SLC49A4: variants seen among roughly 807,000 people sequenced by gnomAD.
SLC49A4 encodes disrupted in renal cancer protein 2.
In SLC49A4, 36 loss-of-function variants were observed where a neutral mutation model predicts 50.6. The observed-to-expected ratio is 0.71, with a 90% CI of 0.55 to 0.94. The LOEUF (loss-of-function observed/expected upper bound fraction) is 0.94, where lower values mean the gene tolerates loss of function less well. Ranked by LOEUF, SLC49A4 falls within the 40% of genes least tolerant of loss-of-function variation. The pLI, the probability that SLC49A4 is intolerant of heterozygous loss-of-function variation, is 0.00. For missense variants in SLC49A4, 503 were observed against 605.7 expected, an observed-to-expected ratio of 0.83 and a Z score of 1.78; for synonymous variants, 248 against 241.2, an observed-to-expected ratio of 1.03 and a Z score of -0.26.
intron 7 of SLC49A4, among the ~76,000 whole-genome samples, chr3:122,860,412 G>C (rs1436226228): frequency 6.6e-6 from 1 of 152,138 alleles, no homozygotes; most frequent in Non-Finnish European, 1.5e-5. Context: ...ACATGGAAAA[G>C]AAGTATAATC....
chr3:122,830,544 AG>A (rs1936595342), intron 3 of SLC49A4, among the ~76,000 whole-genome samples: 1 of 152,252 alleles, frequency 6.6e-6, no homozygotes, highest in South Asian at 2.1e-4. Flanking sequence ...TTGATTTTTC[AG>A]AAGGGTCCCA....
intron 7 of SLC49A4, 118 bp from the exon 8 acceptor site, chr3:122,872,297 A>G: frequency 1.2e-6 from 1 of 840,730 alleles, no homozygotes; most frequent in Non-Finnish European, 1.8e-6. Flanking sequence ...TTTATCAACT[A>G]CCTTTGAAAA....
rs1936841046 is a variant in SLC49A4 at position 122,845,818 on chromosome 3, G to T, written c.889G>T (p.Ala297Ser). 6.2e-7 allele frequency: 1 copy of T among 1,612,376 alleles called. No homozygotes were observed. The highest frequency in any genetic ancestry group is 8.5e-7 in the Non-Finnish European group (1 of 1,179,292). ...ATATGCCATACCACTTGGTGTATTT[G>T]CTGGCTGGTCTGGAGTTCTGGACTT... ...LAYAIPLGVF[A>S]GWSGVLDLIL... Residue 297 changes from alanine to serine, a missense_variant, in exon 5 of 9, where the codon GCT becomes TCT. By Grantham distance (99) the Ala-to-Ser change is moderately conservative. Transcript: ENST00000261038.
intron 5 of SLC49A4, among the ~76,000 whole-genome samples, chr3:122,846,756 T>C (rs1180134861): frequency 6.6e-6 from 1 of 152,240 alleles, no homozygotes. Context: ...CATAGTGACT[T>C]CTGTGGTGTC....
chr3:122,796,127 G>C (rs1936034879), intron 1 of SLC49A4, among the ~76,000 whole-genome samples: 1 of 152,210 alleles, frequency 6.6e-6, no homozygotes, highest in African/African-American at 2.4e-5. Context: ...AAAGCTTGCA[G>C]ATGAGTGAAG....
At position 122,879,993 on chromosome 3, in the gene SLC49A4, A is replaced by G. The variant is rs79736742; in HGVS notation, c.*615A>G. 6,081 of 152,746 alleles carry G rather than the reference A, an allele frequency of 0.04. 149 individuals carry two copies. Among genetic ancestry groups the G allele is most frequent in the Middle Eastern group, 0.082 (24 of 294 alleles). 9.5% of individuals were successfully genotyped at this position (152,746 alleles called of 1,614,324 possible). A position where few individuals can be genotyped will look rare whatever the true frequency, so the allele number is the denominator to read the frequency against. Reference sequence around the variant, plus strand: ...AGGTGCTTTCCAGTGACTTCTGAGCATAGGCACTGTGTCTCCATCTCAACT... The same window carrying G: ...AGGTGCTTTCCAGTGACTTCTGAGCGTAGGCACTGTGTCTCCATCTCAACT... On this transcript the variant is annotated 3_prime_UTR_variant, in exon 9 of 9. Transcript: ENST00000261038.
At chr3:122,835,516 A>G (rs74961929) in intron 4 of SLC49A4, among the ~76,000 whole-genome samples, 232 of 152,310 alleles carry the variant, frequency 1.5e-3, no homozygotes, top group Middle Eastern at 6.8e-3. Flanking sequence ...CAAAAACAGT[A>G]TGATCATAAT....
chr3:122,842,342 C>T (rs1936782261), intron 4 of SLC49A4, among the ~76,000 whole-genome samples: 1 of 151,856 alleles, frequency 6.6e-6, no homozygotes. Flanking sequence ...AAAAATTAAC[C>T]GGGCTTGGTA....
At chr3:122,866,921 A>G (rs1234148117) in intron 7 of SLC49A4, among the ~76,000 whole-genome samples, 1 of 151,824 alleles carries the variant, frequency 6.6e-6, no homozygotes, top group African/African-American at 2.4e-5. Flanking sequence ...TTGGAGAGAG[A>G]AATATAATTA....
chr3:122,826,928 T>C lies in SLC49A4; in HGVS notation c.566T>C (p.Leu189Pro), dbSNP rs1305405039. ...ACAGCCACAGCTATTGCATCAATGC[T>C]CAGTTATCTTGGGGGAGCATGTGCA... ...RATATAIASM[L>P]SYLGGACAFL... Residue 189 changes from leucine to proline, a missense_variant, in exon 3 of 9, where the codon CTC becomes CCC. Transcript: ENST00000261038. 1.2e-6 allele frequency: 2 copies of C among 1,614,210 alleles called. No homozygotes were observed. The highest frequency in any genetic ancestry group is 8.5e-7 in the Non-Finnish European group (1 of 1,180,036).
intron 4 of SLC49A4, among the ~76,000 whole-genome samples, chr3:122,835,033 GA>G (rs1936659989): frequency 6.6e-6 from 1 of 152,080 alleles, no homozygotes; most frequent in African/African-American, 2.4e-5. Context: ...GACCAATAAT[GA>G]GCCGTGAGAT....
intron 3 of SLC49A4, among the ~76,000 whole-genome samples, chr3:122,829,749 CAAA>C (rs1272709336): frequency 6.6e-6 from 1 of 152,104 alleles, no homozygotes; most frequent in East Asian, 1.9e-4. Flanking sequence ...AACAAACAAA[CAAA>C]AAACCTGGAG....
intron 4 of SLC49A4, among the ~76,000 whole-genome samples, chr3:122,836,195 T>G (rs1936682924): frequency 6.6e-6 from 1 of 152,210 alleles, no homozygotes. Context: ...ATTGAGAGTT[T>G]TAGCATGAAG....
intron 7 of SLC49A4, among the ~76,000 whole-genome samples, chr3:122,863,794 G>A (rs529710789): frequency 2.6e-5 from 4 of 152,084 alleles, no homozygotes; most frequent in Admixed American, 6.5e-5. Flanking sequence ...TACCTGAAAC[G>A]TATTTGTAAA....
intron 2 of SLC49A4, among the ~76,000 whole-genome samples, chr3:122,807,842 G>A (rs187622538): frequency 1.3e-5 from 2 of 152,288 alleles, no homozygotes; most frequent in East Asian, 1.9e-4. Context: ...ATGCCATCCT[G>A]TATTATTAAC....
chr3:122,837,996 A>G (rs1936714286), intron 4 of SLC49A4, among the ~76,000 whole-genome samples: 1 of 152,100 alleles, frequency 6.6e-6, no homozygotes, highest in African/African-American at 2.4e-5. Flanking sequence ...TGCAAATCAA[A>G]ACCACAATGA....
At chr3:122,850,032 T>A (rs1576305836) in intron 5 of SLC49A4, among the ~76,000 whole-genome samples, 1 of 152,332 alleles carries the variant, frequency 6.6e-6, no homozygotes, top group East Asian at 1.9e-4. Flanking sequence ...TTTAATTTTA[T>A]ATAAACATGC....
Position 122,826,979 on chromosome 3 carries a change from C to T in SLC49A4, c.617C>T (p.Pro206Leu). ...CAFLVGPLVV[P>L]APNGTSPLLA... Reference sequence around the variant, plus strand: ...TTTTTAGTTGGACCACTTGTTGTTCCAGCTCCCAATGGGACATCACCTCTT... The same window carrying T: ...TTTTTAGTTGGACCACTTGTTGTTCTAGCTCCCAATGGGACATCACCTCTT... Residue 206 changes from proline to leucine, a missense_variant, in exon 3 of 9, where the codon CCA (proline) becomes CTA (leucine). Physicochemically the swap from Pro to Leu is moderately conservative, Grantham distance 98. Coordinates refer to ENST00000261038, the MANE Select transcript of SLC49A4 (RefSeq NM_032839.3). 1.2e-6 allele frequency: 2 copies of T among 1,614,214 alleles called. No individual in the cohort carries two copies. Among genetic ancestry groups the T allele is most frequent in the Non-Finnish European group, 1.7e-6 (2 of 1,180,032 alleles).
chr3:122,827,035 A>G lies in SLC49A4; in HGVS notation c.673A>G (p.Lys225Glu). The stretch of plus-strand genomic sequence containing the variant: ...TGCAGAGAGCAGCAGGGCGCATATT[A>G]AAGATCGCATAGAGGCTGTGTTATA... ...LAAESSRAHIKDRIEAVLYAE... is the reference protein window; with the variant it reads ...LAAESSRAHIEDRIEAVLYAE... The change falls in exon 3 of 9, where the codon AAA becomes GAA. Residue 225 changes from lysine (K) to glutamate (E), a missense_variant. By Grantham distance (56) the Lys-to-Glu change is moderately conservative. Transcript: ENST00000261038. 6.2e-7 allele frequency: 1 copy of G among 1,613,720 alleles called. No individual in the cohort carries two copies. Among genetic ancestry groups the G allele is most frequent in the South Asian group, 1.1e-5 (1 of 91,080 alleles).
Sources: allele counts gnomAD v4.1 joint callset (sites outside exome capture counted in the v4.1 genomes callset), GRCh38; gene constraint gnomAD v4.1.1; transcripts MANE v1.5; gene names NCBI Gene and HGNC (gene_info 2026-07-23, HGNC 2026-07-21).